USP53: variants seen among roughly 807,000 people sequenced by gnomAD.
USP53 encodes the protein ubiquitin specific peptidase 53.
A neutral mutation model predicts 94.9 loss-of-function variants in USP53; 71 were observed. That is an observed-to-expected ratio of 0.75 (90% confidence interval 0.62 to 0.91). The LOEUF is 0.91. Among genes scored for constraint, USP53 ranks in the 40% least tolerant of loss-of-function variants. The pLI, the probability that USP53 is intolerant of heterozygous loss-of-function variation, is 0.00. For missense variants in USP53, 1,173 were observed against 1,281.0 expected (o/e 0.92, Z 1.29); for synonymous variants, 375 against 422.7 (o/e 0.89, Z 1.39).
rs1314581532 is a variant in USP53, at chr4:119,245,389, A to G, written c.197A>G (p.His66Arg). 6 of 1,613,918 alleles carry G rather than the reference A, an allele frequency of 3.7e-6. No homozygotes were observed. Among genetic ancestry groups the G allele is most frequent in the Admixed American group, 1.7e-5 (1 of 60,004 alleles). Residue 66 changes from histidine (H) to arginine (R), a missense_variant, in exon 6 of 19, where the codon CAT becomes CGT. Physicochemically the swap from His to Arg is conservative, Grantham distance 29 (BLOSUM62 0). Coordinates refer to ENST00000692078, the MANE Select transcript of USP53 (RefSeq NM_001371395.1). ...CGAAGCTTGCGGGTTTTGACTGGAC[A>G]TGTTTGTCAGGGAGATGCCTGTATA... Reference protein sequence around the residue: ...FRRSLRVLTGHVCQGDACIFC... With the variant: ...FRRSLRVLTGRVCQGDACIFC...
At chr4:119,249,791 A>C (rs1013581811) in intron 7 of USP53, among the ~76,000 whole-genome samples, 45 of 150,170 alleles carry the variant, frequency 3.0e-4, no homozygotes, top group African/African-American at 1.1e-3. Flanking sequence ...TAGCCTCCTG[A>C]GTAGCTGGGA....
At position 119,269,848 on chromosome 4, in the gene USP53, A is replaced by G. The variant is rs753307519; in HGVS notation, c.1435+11A>G. ...TAGGACGACATAGAGGTAAGTTAAGATCTTGTACTATTGATTTTAAAAGGA... is the reference window on the plus strand; with the variant it reads ...TAGGACGACATAGAGGTAAGTTAAGGTCTTGTACTATTGATTTTAAAAGGA... On this transcript the variant is annotated intron_variant, in intron 15 of 18. Transcript: ENST00000692078. 7.4e-7 allele frequency: 1 copy of G among 1,359,002 alleles called. No homozygotes were observed. Among genetic ancestry groups the G allele is most frequent in the Non-Finnish European group, 9.5e-7 (1 of 1,048,248 alleles). 84.2% of individuals were successfully genotyped at this position (1,359,002 alleles called of 1,614,324 possible). A position where few individuals can be genotyped will look rare whatever the true frequency, so the allele number is the denominator to read the frequency against.
rs1449379613 is a variant in USP53, at chr4:119,293,332, T to A, written c.*121T>A. The A allele has an allele frequency of 8.9e-7, 1 of 1,127,230 alleles. No individual in the cohort carries two copies. Among genetic ancestry groups the A allele is most frequent in the Non-Finnish European group, 1.2e-6 (1 of 819,900 alleles). The allele number at this position is 1,127,230 out of a possible 1,614,324, so 69.8% of individuals were successfully genotyped here. A position where few individuals can be genotyped will look rare whatever the true frequency, so the allele number is the denominator to read the frequency against. Reference sequence around the variant, plus strand: ...CTGGTAAAACTGACCAACTTTTACTTCTCAGAGGCCATTTAAATATAATAG... The same window carrying A: ...CTGGTAAAACTGACCAACTTTTACTACTCAGAGGCCATTTAAATATAATAG... On this transcript the variant is annotated 3_prime_UTR_variant, in exon 19 of 19. Coordinates refer to ENST00000692078, the MANE Select transcript of USP53 (RefSeq NM_001371395.1).
At chr4:119,261,289 T>C (rs1038492779) in intron 11 of USP53, among the ~76,000 whole-genome samples, 13 of 152,124 alleles carry the variant, frequency 8.5e-5, no homozygotes, top group African/African-American at 2.9e-4. Flanking sequence ...TGTTACTTTC[T>C]TGGTATATTT....
At chr4:119,249,916 A>G (rs11734519) in intron 7 of USP53, among the ~76,000 whole-genome samples, 43,887 of 151,926 alleles carry the variant, frequency 0.29, 6,499 homozygotes, top group East Asian at 0.38. Flanking sequence ...TGCCTGCCTC[A>G]GCCTCCCAAA....
chr4:119,248,373 A>G (rs56196331), intron 6 of USP53, among the ~76,000 whole-genome samples: 1 of 126,824 alleles, frequency 7.9e-6, no homozygotes, highest in Non-Finnish European at 1.7e-5. Context: ...TGGTGCAAAC[A>G]TTTCTACACT....
Position 119,230,990 on chromosome 4 carries a change from G to C in USP53, c.-664-4300G>C, listed in dbSNP as rs541576370. Among the ~76,000 whole-genome samples the C allele has an allele frequency of 9.8e-5, 15 of 152,290 alleles. No homozygotes were observed. The East Asian group carries it at 2.9e-3, about 29-fold the overall frequency. Reference sequence around the variant, plus strand: ...GTGGCATATCTGCACAGCCCATGCAGGCTGTGTGAGTCAGTAGGTCAAGTC... The same window carrying C: ...GTGGCATATCTGCACAGCCCATGCACGCTGTGTGAGTCAGTAGGTCAAGTC... On this transcript the variant is annotated intron_variant, in intron 3 of 18. Transcript: ENST00000692078.
intron 13 of USP53, 125 bp downstream of exon 13, chr4:119,267,607 G>T: frequency 9.0e-7 from 1 of 1,107,102 alleles, no homozygotes; most frequent in East Asian, 2.8e-5. Flanking sequence ...TAGAGCTGAG[G>T]AAATTTTAGT....
At chr4:119,273,777 A>G (rs1752181261) in intron 17 of USP53, 69 bp downstream of exon 17, 2 of 1,319,318 alleles carry the variant, frequency 1.5e-6, no homozygotes, top group East Asian at 5.0e-5. Flanking sequence ...GTTTGCTATT[A>G]TGTATCTGAG....
chr4:119,290,799 A>G (rs544522031), intron 17 of USP53, among the ~76,000 whole-genome samples: 8 of 152,230 alleles, frequency 5.3e-5, no homozygotes, highest in African/African-American at 1.7e-4. Flanking sequence ...CCAAACTTCA[A>G]CTCAAGCCAG....
At chr4:119,290,204 G>C (rs1436175466) in intron 17 of USP53, among the ~76,000 whole-genome samples, 1 of 152,154 alleles carries the variant, frequency 6.6e-6, no homozygotes, top group African/African-American at 2.4e-5. Flanking sequence ...TATAATTAGA[G>C]AGAGAGAAAA....
At chr4:119,233,671 A>G (rs994649400) in intron 3 of USP53, among the ~76,000 whole-genome samples, 33 of 152,156 alleles carry the variant, frequency 2.2e-4, no homozygotes, top group Non-Finnish European at 2.5e-4. Flanking sequence ...AAATCTATAC[A>G]TATCTTCAAT....
Position 119,294,356 on chromosome 4 carries a change from CT to C in USP53, c.*1148del, listed in dbSNP as rs1342160109. On this transcript the variant is annotated 3_prime_UTR_variant, in exon 19 of 19. Transcript: ENST00000692078. The stretch of plus-strand genomic sequence containing the variant: ...TAGAGCATCCTTCCCTTTTATTCTA[CT>C]TTGAACAAATAGTAATTTTACCCCA... The C allele has an allele frequency of 2.6e-5, 4 of 152,020 alleles. No individual in the cohort carries two copies. Among genetic ancestry groups the C allele is most frequent in the Non-Finnish European group, 5.9e-5 (4 of 67,940 alleles). The allele number at this position is 152,020 out of a possible 1,614,324, so 9.4% of individuals were successfully genotyped here.
At chr4:119,228,887 A>G (rs1010512418) in intron 3 of USP53, among the ~76,000 whole-genome samples, 1 of 152,226 alleles carries the variant, frequency 6.6e-6, no homozygotes, top group Non-Finnish European at 1.5e-5. Context: ...AGACTAAAAT[A>G]TAAATAGAAA....
At chr4:119,225,886 A>G (rs1745183559) in intron 3 of USP53, among the ~76,000 whole-genome samples, 1 of 152,254 alleles carries the variant, frequency 6.6e-6, no homozygotes, top group East Asian at 1.9e-4. Context: ...TCCAAAATGC[A>G]TAAAAAGAAT....
intron 7 of USP53, 77 bp downstream of exon 7, chr4:119,248,959 T>A: frequency 1.9e-6 from 3 of 1,544,080 alleles, no homozygotes; most frequent in Admixed American, 2.0e-5. Flanking sequence ...TTGAGACAAA[T>A]GAAACAAAAA....
chr4:119,249,858 G>T (rs1184249835), intron 7 of USP53, among the ~76,000 whole-genome samples: 3 of 151,702 alleles, frequency 2.0e-5, no homozygotes. Flanking sequence ...TGGAGACAGG[G>T]TTTCACTGTG....
intron 3 of USP53, among the ~76,000 whole-genome samples, chr4:119,225,083 A>G (rs1259611331): frequency 6.6e-6 from 1 of 152,182 alleles, no homozygotes; most frequent in Non-Finnish European, 1.5e-5. Flanking sequence ...AAGAGAAGAT[A>G]CAAATTAACA....
Position 119,239,583 on chromosome 4 carries a change from C to T in USP53, c.-177C>T, listed in dbSNP as rs992801606. On this transcript the variant is annotated 5_prime_UTR_variant, in exon 5 of 19. Coordinates refer to ENST00000692078, the MANE Select transcript of USP53 (RefSeq NM_001371395.1). ...TCAATGTTTATGCACCCTATTGTTA[C>T]TTGTCAGAGTCTTTAAGAGTTTATA... is the stretch of plus-strand genomic sequence containing the variant. The T allele has an allele frequency of 1.9e-5, 13 of 671,164 alleles. No homozygotes were observed. Among genetic ancestry groups the T allele is most frequent in the Non-Finnish European group, 2.1e-5 (9 of 435,860 alleles). 41.6% of individuals were successfully genotyped at this position (671,164 alleles called of 1,614,324 possible).
Sources: allele counts gnomAD v4.1 joint callset (sites outside exome capture counted in the v4.1 genomes callset), GRCh38; gene constraint gnomAD v4.1.1; transcripts MANE v1.5; gene names NCBI Gene and HGNC (gene_info 2026-07-23, HGNC 2026-07-21).